NAV2: variants seen among roughly 807,000 people sequenced by gnomAD.
NAV2 encodes helicase, APC down-regulated 1.
A neutral mutation model predicts 223.2 loss-of-function variants in NAV2; 54 were observed. The observed-to-expected ratio is 0.24, with a 90% CI of 0.19 to 0.30. The LOEUF is 0.30. Ranked by LOEUF, NAV2 falls within the 10% of genes least tolerant of loss-of-function variation. The pLI is 1.00. For synonymous variants in NAV2, 1,279 were observed against 1,239.3 expected (o/e 1.03, Z -0.67); for missense variants, 2,806 against 3,147.5 (o/e 0.89, Z 2.60).
chr11:19,418,603 AT>A (rs1428695706), intron 1 of NAV2, among the ~76,000 whole-genome samples: 1 of 152,216 alleles, frequency 6.6e-6, no homozygotes, highest in Non-Finnish European at 1.5e-5. Flanking sequence ...GTAGGGGCAC[AT>A]TTAAGGAACT....
intron 1 of NAV2, among the ~76,000 whole-genome samples, chr11:19,397,424 C>CGTGTGTGTGTGTGCGCGT (rs1564904910): frequency 1.2e-4 from 4 of 33,162 alleles, no homozygotes; most frequent in Non-Finnish European, 2.3e-4. Flanking sequence ...TGTGTGCGCG[C>CGTGTGTGTGTGTGCGCGT]ATGTGTGTGT....
At chr11:19,559,325 TC>T (rs1244426118) in intron 1 of NAV2, among the ~76,000 whole-genome samples, 1 of 152,226 alleles carries the variant, frequency 6.6e-6, no homozygotes, top group Non-Finnish European at 1.5e-5. Flanking sequence ...AAGCCCATTC[TC>T]CTATGGCACC....
intron 1 of NAV2, among the ~76,000 whole-genome samples, chr11:19,449,679 G>A (rs1851720151): frequency 6.6e-6 from 1 of 152,076 alleles, no homozygotes; most frequent in African/African-American, 2.4e-5. Flanking sequence ...AGTTATTATA[G>A]TCTGTTTCCA....
upstream of NAV2, among the ~76,000 whole-genome samples, chr11:19,349,347 C>G (rs369577177): frequency 4.6e-5 from 7 of 152,214 alleles, no homozygotes; most frequent in Non-Finnish European, 8.8e-5. Context: ...CTCCTCCCCC[C>G]TCACAAGCCC....
At chr11:19,562,032 T>A (rs1348297766) in intron 1 of NAV2, among the ~76,000 whole-genome samples, 1 of 152,242 alleles carries the variant, frequency 6.6e-6, no homozygotes, top group East Asian at 1.9e-4. Flanking sequence ...GCACTAAGCC[T>A]CTGGGGGTGA....
chr11:19,624,909 A>T (rs76836236), intron 1 of NAV2, among the ~76,000 whole-genome samples: 1,908 of 152,320 alleles, frequency 0.013, 45 homozygotes, highest in East Asian at 0.063. Context: ...GATCTTTCAA[A>T]ATATTTTAAC....
At chr11:20,063,676 T>C (rs1940200781) in intron 20 of NAV2, among the ~76,000 whole-genome samples, 1 of 152,150 alleles carries the variant, frequency 6.6e-6, no homozygotes, top group South Asian at 2.1e-4. Flanking sequence ...CGCATGGCTA[T>C]AGCTGTATGC....
chr11:19,987,165 G>T (rs2050866864), intron 11 of NAV2, among the ~76,000 whole-genome samples: 1 of 152,202 alleles, frequency 6.6e-6, no homozygotes, highest in Non-Finnish European at 1.5e-5. Context: ...ATCACAGGTG[G>T]TATGTAGTTA....
At chr11:19,970,533 T>C (rs559547940) in intron 10 of NAV2, among the ~76,000 whole-genome samples, 1 of 152,294 alleles carries the variant, frequency 6.6e-6, no homozygotes, top group South Asian at 2.1e-4. Flanking sequence ...GGTACCTATC[T>C]CGAGAGTTGA....
chr11:19,710,755 A>G (rs1239489925), upstream of NAV2, among the ~76,000 whole-genome samples: 1 of 152,230 alleles, frequency 6.6e-6, no homozygotes, highest in Non-Finnish European at 1.5e-5. Context: ...GGGCAGGCAA[A>G]AGAGTCCCAA....
chr11:19,974,030 ATCAGCT>A (rs980674440), intron 10 of NAV2, among the ~76,000 whole-genome samples: 1 of 152,228 alleles, frequency 6.6e-6, no homozygotes, highest in African/African-American at 2.4e-5. Context: ...AACATTGGGG[ATCAGCT>A]TCAACCTAGG....
chr11:20,078,164 T>A, intron 24 of NAV2, 60 bp downstream of exon 24: 2 of 1,137,544 alleles, frequency 1.8e-6, no homozygotes, highest in Non-Finnish European at 2.6e-6. Context: ...AGCCCTCCCC[T>A]GACATCATAT....
intron 1 of NAV2, among the ~76,000 whole-genome samples, chr11:19,427,659 C>T (rs1040827527): frequency 2.0e-5 from 3 of 152,196 alleles, no homozygotes. Context: ...TGCAATCTCC[C>T]ACAGCCATGC....
chr11:19,389,088 G>A (rs1849150280), intron 1 of NAV2, among the ~76,000 whole-genome samples: 1 of 152,190 alleles, frequency 6.6e-6, no homozygotes, highest in Non-Finnish European at 1.5e-5. Context: ...GCTCACAGCT[G>A]TCCCCATATC....
intron 1 of NAV2, among the ~76,000 whole-genome samples, chr11:19,588,750 G>T (rs1191259543): frequency 1.3e-5 from 2 of 152,194 alleles, no homozygotes; most frequent in Non-Finnish European, 2.9e-5. Context: ...CTAGGAACAA[G>T]CCAACAATGG....
exon 1 of NAV2, chr11:19,350,784 C>G: frequency 1.5e-6 from 1 of 648,828 alleles, no homozygotes; most frequent in African/African-American, 1.8e-5. Flanking sequence ...GTGAGGTTCC[C>G]GAGTGGATTT....
chr11:19,555,710 G>T (rs1241626003), intron 1 of NAV2, among the ~76,000 whole-genome samples: 1 of 152,132 alleles, frequency 6.6e-6, no homozygotes, highest in Non-Finnish European at 1.5e-5. Context: ...TTCTCTGAGG[G>T]TGTGGGGTTT....
intron 1 of NAV2, among the ~76,000 whole-genome samples, chr11:19,654,007 A>C (rs930804944): frequency 1.3e-5 from 2 of 152,220 alleles, no homozygotes; most frequent in African/African-American, 4.8e-5. Context: ...ATCTCAGCCC[A>C]AAATCTCCTT....
chr11:20,033,350 G>A (rs931952663), intron 11 of NAV2, among the ~76,000 whole-genome samples: 3 of 152,328 alleles, frequency 2.0e-5, no homozygotes, highest in Non-Finnish European at 2.9e-5. Flanking sequence ...ACGGCCCTTT[G>A]TATAGAGAAT....
Sources: allele counts gnomAD v4.1 joint callset (sites outside exome capture counted in the v4.1 genomes callset), GRCh38; gene constraint gnomAD v4.1.1; transcripts MANE v1.5; gene names NCBI Gene and HGNC (gene_info 2026-07-23, HGNC 2026-07-21).